Variants in DNAH14 observed in about 807,000 individuals in gnomAD.
The protein encoded by DNAH14 is dynein axonemal heavy chain 14, also known as axonemal beta dynein heavy chain 14.
DNAH14 carries 478 observed loss-of-function variants against 520.9 expected under a neutral mutation model. The ratio of observed to expected loss-of-function variants is 0.92; its 90% confidence interval spans 0.85 to 0.99. DNAH14 has a LOEUF of 0.99. DNAH14 is among the 50% of genes least tolerant of loss of function. The pLI, the probability that DNAH14 is intolerant of heterozygous loss-of-function variation, is 0.00. For missense variants in DNAH14, 4,831 were observed against 5,234.5 expected, an observed-to-expected ratio of 0.92 and a Z score of 2.38; for synonymous variants, 1,581 against 1,757.2, an observed-to-expected ratio of 0.90 and a Z score of 2.51.
intron 41 of DNAH14, among the ~76,000 whole-genome samples, chr1:225,216,850 A>G (rs954828334): frequency 6.6e-6 from 1 of 152,114 alleles, no homozygotes; most frequent in Non-Finnish European, 1.5e-5. Context: ...ACATCCTCCA[A>G]TAGCTCAGAG....
chr1:224,946,916 T>C (rs2059878437), intron 1 of DNAH14, among the ~76,000 whole-genome samples: 1 of 97,822 alleles, frequency 1.0e-5, no homozygotes, highest in Admixed American at 8.6e-5. Context: ...TTTCATCTAC[T>C]TTTTTTTTTT....
chr1:224,999,962 A>G (rs1057321128), intron 8 of DNAH14, among the ~76,000 whole-genome samples: 1 of 152,132 alleles, frequency 6.6e-6, no homozygotes, highest in Non-Finnish European at 1.5e-5. Context: ...CATGAGAGGA[A>G]TATTCTGTTT....
chr1:225,252,108 G>A (rs1362199708), intron 43 of DNAH14, among the ~76,000 whole-genome samples, 193 bp from the exon 44 acceptor site: 1 of 152,142 alleles, frequency 6.6e-6, no homozygotes, highest in South Asian at 2.1e-4. Context: ...AAGAGGACAA[G>A]AAGTTAATAA....
intron 27 of DNAH14, among the ~76,000 whole-genome samples, chr1:225,137,712 C>G (rs1472597804): frequency 6.6e-6 from 1 of 152,042 alleles, no homozygotes; most frequent in Non-Finnish European, 1.5e-5. Flanking sequence ...GAGGCTAGGG[C>G]CCCCCAGTGG....
intron 1 of DNAH14, among the ~76,000 whole-genome samples, chr1:224,931,126 ATG>A (rs2058673831): frequency 6.6e-6 from 1 of 152,208 alleles, no homozygotes; most frequent in Non-Finnish European, 1.5e-5. Flanking sequence ...GCCTAGGCTA[ATG>A]TGTGTGTTTG....
At chr1:225,153,096 T>A (rs910742761) in intron 33 of DNAH14, among the ~76,000 whole-genome samples, 3 of 152,172 alleles carry the variant, frequency 2.0e-5, no homozygotes, top group African/African-American at 7.2e-5. Flanking sequence ...GTCAAGGTTC[T>A]AAGTCTTTCC....
intron 21 of DNAH14, among the ~76,000 whole-genome samples, chr1:225,089,442 CAAAAA>C (rs1169182387): frequency 3.3e-4 from 10 of 29,896 alleles, no homozygotes; most frequent in African/African-American, 1.1e-3. Flanking sequence ...AAAACTCCGT[CAAAAA>C]AAAAAAAAAA....
At chr1:225,199,283 G>A (rs1396656898) in intron 38 of DNAH14, among the ~76,000 whole-genome samples, 2 of 151,544 alleles carry the variant, frequency 1.3e-5, no homozygotes, top group Non-Finnish European at 2.9e-5. Flanking sequence ...TTTTTTCAGA[G>A]AACCAGCTTT....
At chr1:225,127,925 A>G (rs1306616091) in intron 27 of DNAH14, among the ~76,000 whole-genome samples, 3 of 152,082 alleles carry the variant, frequency 2.0e-5, no homozygotes, top group Non-Finnish European at 4.4e-5. Context: ...ATCTCTCAGC[A>G]TTTGCTTGTC....
chr1:225,056,494 G>A (rs1467146278), intron 17 of DNAH14, among the ~76,000 whole-genome samples: 4 of 152,122 alleles, frequency 2.6e-5, no homozygotes, highest in African/African-American at 9.7e-5. Flanking sequence ...TGTTCACTCT[G>A]ATGGTAGTTT....
Position 225,304,935 on chromosome 1 carries a change from T to G in DNAH14, c.8851T>G (p.Cys2951Gly), listed in dbSNP as rs1452322905. ...CTTGAAAGAAAAACTTGCCCCAACA[T>G]GTGTCCAAATCCACAAAAGCATGAA... ...ENLKEKLAPT[C>G]VQIHKSMKDL... Residue 2951 changes from cysteine to glycine, a missense_variant, in exon 58 of 86, where the codon TGT (cysteine) becomes GGT (glycine). Cys to Gly is a radical substitution (Grantham distance 159). Transcript: ENST00000682510. 6 of 1,521,844 alleles carry G rather than the reference T, an allele frequency of 3.9e-6. No individual in the cohort carries two copies. The highest frequency in any genetic ancestry group is 2.6e-5 in the South Asian group (2 of 77,326). 94.3% of individuals were successfully genotyped at this position (1,521,844 alleles called of 1,614,324 possible).
intron 54 of DNAH14, among the ~76,000 whole-genome samples, chr1:225,281,699 A>G (rs1219151361): frequency 6.6e-6 from 1 of 152,204 alleles, no homozygotes; most frequent in Non-Finnish European, 1.5e-5. Context: ...AATATATGTA[A>G]CAATGAATAG....
At chr1:225,304,668 CG>C (rs140760539) in intron 57 of DNAH14, among the ~76,000 whole-genome samples, 7,781 of 152,140 alleles carry the variant, frequency 0.051, 663 homozygotes, top group African/African-American at 0.17. Context: ...GAGTAACATA[CG>C]GGTAAAGCCT....
In DNAH14 at chr1:225,007,516, T is replaced by G. The variant is rs74149431; in HGVS notation, c.1079T>G (p.Ile360Ser). ...KQLEDIRNKA[I>S]SEMKSTFLKV... ...CTTGAGGACATCAGGAATAAAGCAATTTCAGAGATGAAAAGTACTTTTCTA... is the reference window on the plus strand; with the variant it reads ...CTTGAGGACATCAGGAATAAAGCAAGTTCAGAGATGAAAAGTACTTTTCTA... The change falls in exon 10 of 86, where the codon ATT (isoleucine) becomes AGT (serine). Residue 360 changes from isoleucine to serine, a missense_variant. Physicochemically the swap from Ile to Ser is moderately radical, Grantham distance 142. Coordinates refer to ENST00000682510, the MANE Select transcript of DNAH14 (RefSeq NM_001367479.1). 5.1e-4 allele frequency: 780 copies of G among 1,536,380 alleles called. 6 individuals are homozygous for G. In the African/African-American group the frequency reaches 9.8e-3, roughly 19 times the overall value.
At chr1:225,268,774 A>T (rs2093210869) in intron 49 of DNAH14, among the ~76,000 whole-genome samples, 1 of 152,154 alleles carries the variant, frequency 6.6e-6, no homozygotes, top group Admixed American at 6.5e-5. Context: ...CTTACAAGGG[A>T]TGTGAAGGAC....
At chr1:225,161,407 C>T (rs776449170) in intron 35 of DNAH14, among the ~76,000 whole-genome samples, 1 of 152,136 alleles carries the variant, frequency 6.6e-6, no homozygotes, top group Non-Finnish European at 1.5e-5. Context: ...TTTCTTTATC[C>T]AGTCATTTGT....
intron 41 of DNAH14, among the ~76,000 whole-genome samples, chr1:225,221,270 C>A (rs1038718473): frequency 6.6e-6 from 1 of 152,136 alleles, no homozygotes; most frequent in East Asian, 1.9e-4. Context: ...AACTAAGACA[C>A]CAAAAGCAAT....
chr1:224,991,667 T>C (rs1414960348), intron 8 of DNAH14, among the ~76,000 whole-genome samples: 1 of 152,080 alleles, frequency 6.6e-6, no homozygotes, highest in East Asian at 1.9e-4. Flanking sequence ...TTTCCTTTTT[T>C]TCTTTTCAGT....
intron 11 of DNAH14, 94 bp from the exon 12 acceptor site, chr1:225,038,599 TG>T (rs1384817452): frequency 1.3e-5 from 17 of 1,266,228 alleles, no homozygotes; most frequent in Admixed American, 3.4e-5. Context: ...GTTTTTTAAT[TG>T]GGTTGCTTTT....
Sources: gnomAD v4.1 joint callset for allele counts (sites outside exome capture counted in the v4.1 genomes callset) on GRCh38, gnomAD v4.1.1 for gene constraint, MANE v1.5 for transcripts, NCBI Gene and HGNC (gene_info 2026-07-23, HGNC 2026-07-21) for gene names.